The following GULP1 variants were observed in gnomAD, a reference collection of about 807,000 sequenced individuals.
The protein encoded by GULP1 is PTB domain-containing engulfment adapter protein 1.
A neutral mutation model predicts 40.9 loss-of-function variants in GULP1; 19 were observed. The observed-to-expected ratio is 0.46, with a 90% CI of 0.32 to 0.68. GULP1 has a LOEUF of 0.68. Among genes scored for constraint, GULP1 ranks in the 30% least tolerant of loss-of-function variants. The pLI, the probability that GULP1 is intolerant of heterozygous loss-of-function variation, is 0.03. For synonymous variants in GULP1, 119 were observed against 117.6 expected, an observed-to-expected ratio of 1.01 and a Z score of -0.08; for missense variants, 312 against 362.2, an observed-to-expected ratio of 0.86 and a Z score of 1.12.
intron 2 of GULP1, among the ~76,000 whole-genome samples, chr2:188,466,291 T>TCCC (rs1321525912): frequency 3.3e-4 from 49 of 147,524 alleles, no homozygotes; most frequent in African/African-American, 9.1e-4. Flanking sequence ...TGGTTTTTTT[T>TCCC]TCCCCCCCCG....
At chr2:188,337,964 G>A (rs1464197193) in intron 1 of GULP1, among the ~76,000 whole-genome samples, 1 of 151,802 alleles carries the variant, frequency 6.6e-6, no homozygotes, top group African/African-American at 2.4e-5. Flanking sequence ...TAAATTCTTG[G>A]GCTAATTTCT....
intron 11 of GULP1, chr2:188,590,383 G>C (rs929741131): frequency 3.3e-5 from 5 of 152,060 alleles, no homozygotes; most frequent in African/African-American, 1.2e-4. Flanking sequence ...AATCGTGCTA[G>C]CCTAATGAAT....
chr2:188,582,911 C>G (rs1243227006), intron 9 of GULP1, among the ~76,000 whole-genome samples: 2 of 152,108 alleles, frequency 1.3e-5, no homozygotes, highest in Non-Finnish European at 2.9e-5. Flanking sequence ...TGAAGTAAAT[C>G]TTAGGACAGA....
At chr2:188,512,177 G>A (rs1393293872) in intron 4 of GULP1, among the ~76,000 whole-genome samples, 3 of 151,260 alleles carry the variant, frequency 2.0e-5, no homozygotes, top group African/African-American at 4.9e-5. Flanking sequence ...CCTTTTTTTT[G>A]CACATATGGA....
chr2:188,487,194 C>T (rs2061938879), intron 4 of GULP1, among the ~76,000 whole-genome samples: 1 of 151,890 alleles, frequency 6.6e-6, no homozygotes, highest in South Asian at 2.1e-4. Flanking sequence ...GTGAGACAGT[C>T]ATTTCCTAGA....
intron 1 of GULP1, among the ~76,000 whole-genome samples, chr2:188,311,690 TATG>T (rs2038137459): frequency 6.9e-6 from 1 of 145,792 alleles, no homozygotes; most frequent in East Asian, 2.1e-4. Flanking sequence ...GAAAGCATTT[TATG>T]ATAAGCATTA....
rs150230012 is a variant in GULP1 at position 188,475,870 on chromosome 2, A to T, written c.-44-1789A>T. Among the ~76,000 whole-genome samples, 489 of 152,212 alleles carry T rather than the reference A, an allele frequency of 3.2e-3. 2 individuals are homozygous for T. The highest frequency in any genetic ancestry group is 0.011 in the African/African-American group (458 of 41,534). Reference sequence around the variant, plus strand: ...GTCTGATGGCAAAATCCTCAAAAGAAATTAAGGGTTTTGAAAAAAAAGAGA... The same window carrying T: ...GTCTGATGGCAAAATCCTCAAAAGATATTAAGGGTTTTGAAAAAAAAGAGA... On this transcript the variant is annotated intron_variant, in intron 2 of 11. Transcript: ENST00000409830.
intron 2 of GULP1, among the ~76,000 whole-genome samples, chr2:188,447,354 T>C (rs1315332998): frequency 1.3e-5 from 2 of 152,316 alleles, no homozygotes; most frequent in East Asian, 3.9e-4. Context: ...CATGATGGCA[T>C]GAACCAGTTT....
At chr2:188,369,261 G>T (rs1006032145) in intron 1 of GULP1, among the ~76,000 whole-genome samples, 2 of 151,432 alleles carry the variant, frequency 1.3e-5, no homozygotes, top group Non-Finnish European at 1.5e-5. Flanking sequence ...ATGCCTGGCT[G>T]TAAAAAAAAT....
chr2:188,584,964 A>C (rs925742010), intron 10 of GULP1, among the ~76,000 whole-genome samples: 1 of 152,190 alleles, frequency 6.6e-6, no homozygotes. Flanking sequence ...AAACACCTAT[A>C]AGCCTGTAAA....
intron 4 of GULP1, among the ~76,000 whole-genome samples, chr2:188,502,104 A>G (rs982889752): frequency 6.6e-6 from 1 of 151,964 alleles, no homozygotes; most frequent in African/African-American, 2.4e-5. Context: ...TTAGAATTAT[A>G]GTAGATAGGT....
chr2:188,420,607 A>G (rs2055266551), intron 2 of GULP1, among the ~76,000 whole-genome samples: 2 of 152,194 alleles, frequency 1.3e-5, no homozygotes. Context: ...GTAAGTCAGA[A>G]TAGAATTTAT....
Position 188,409,093 on chromosome 2 carries a change from AT to A in GULP1, c.-45+25206del, listed in dbSNP as rs138360917. 6.9e-3 allele frequency among the ~76,000 whole-genome samples: 1,056 copies of A among 152,256 alleles called. 101 individuals are homozygous for A. In the East Asian group the frequency reaches 0.19, roughly 27 times the overall value. On this transcript the variant is annotated intron_variant, in intron 2 of 11. Transcript: ENST00000409830. ...CTTGATGACTTAGTAAAAGAAGAAA[AT>A]TCTAAGCCCAACTCAGTAGAAGGAA... is the stretch of plus-strand genomic sequence containing the variant.
intron 2 of GULP1, among the ~76,000 whole-genome samples, chr2:188,452,954 C>G (rs2058952875): frequency 6.6e-6 from 1 of 151,754 alleles, no homozygotes; most frequent in African/African-American, 2.4e-5. Flanking sequence ...AAACAGTCAA[C>G]TTAAATTCCT....
At chr2:188,523,327 A>G (rs571893003) in intron 5 of GULP1, among the ~76,000 whole-genome samples, 3 of 152,308 alleles carry the variant, frequency 2.0e-5, no homozygotes, top group East Asian at 3.9e-4. Context: ...GTAAGTAGCC[A>G]TGGGGAAACT....
At chr2:188,507,182 TC>T (rs918399485) in intron 4 of GULP1, among the ~76,000 whole-genome samples, 2 of 151,886 alleles carry the variant, frequency 1.3e-5, no homozygotes, top group African/African-American at 4.8e-5. Flanking sequence ...AAAAGGCCTT[TC>T]CCCAAACTAC....
chr2:188,390,095 G>C (rs1256849306), intron 2 of GULP1, among the ~76,000 whole-genome samples: 2 of 151,980 alleles, frequency 1.3e-5, no homozygotes, highest in East Asian at 3.9e-4. Flanking sequence ...TACGCATGCA[G>C]GTGTCTTTTT....
chr2:188,390,047 C>G (rs1305845379), intron 2 of GULP1, among the ~76,000 whole-genome samples: 1 of 151,888 alleles, frequency 6.6e-6, no homozygotes, highest in Non-Finnish European at 1.5e-5. Flanking sequence ...TAAGTTGCTT[C>G]CATATCTTTG....
At chr2:188,394,431 C>T (rs981461401) in intron 2 of GULP1, among the ~76,000 whole-genome samples, 1 of 151,466 alleles carries the variant, frequency 6.6e-6, no homozygotes, top group Non-Finnish European at 1.5e-5. Flanking sequence ...CATTCATATC[C>T]TGAATTTAAA....
Sources: gnomAD v4.1 joint callset for allele counts (sites outside exome capture counted in the v4.1 genomes callset) on GRCh38, gnomAD v4.1.1 for gene constraint, MANE v1.5 for transcripts, NCBI Gene and HGNC (gene_info 2026-07-23, HGNC 2026-07-21) for gene names.